The following PAPOLA variants were observed in gnomAD, a reference collection of about 807,000 sequenced individuals.
PAPOLA encodes polynucleotide adenylyltransferase alpha.
In PAPOLA, 15 loss-of-function variants were observed where a neutral mutation model predicts 100.6. That is an observed-to-expected ratio of 0.15 (90% CI 0.10 to 0.23). The LOEUF (loss-of-function observed/expected upper bound fraction) is 0.23. PAPOLA is among the 10% of genes least tolerant of loss of function. The probability of loss-of-function intolerance (pLI) is 1.00; values close to 1 mark genes in which losing one functional copy is unlikely to be tolerated. For missense variants in PAPOLA, 533 were observed against 884.2 expected (o/e 0.60, Z 5.04); for synonymous variants, 293 against 300.0 (o/e 0.98, Z 0.24).
intron 16 of PAPOLA, among the ~76,000 whole-genome samples, chr14:96,551,780 A>G (rs1688567931): frequency 1.3e-5 from 2 of 152,242 alleles, no homozygotes; most frequent in South Asian, 4.1e-4. Context: ...TTTCTGCATT[A>G]TTTGTTTTGG....
At chr14:96,521,128 CAAGT>C (rs924840331) in intron 3 of PAPOLA, 56 bp downstream of exon 3, 10 of 823,988 alleles carry the variant, frequency 1.2e-5, no homozygotes, top group Non-Finnish European at 1.7e-5. Context: ...CTGAACACAG[CAAGT>C]GTCTTATATA....
At chr14:96,533,157 T>G in intron 9 of PAPOLA, 1 of 984,068 alleles carries the variant, frequency 1.0e-6, no homozygotes, top group Non-Finnish European at 1.2e-6. Flanking sequence ...AATTTGAGAT[T>G]AGTCATTAAC....
In PAPOLA at chr14:96,525,327, A is replaced by T. The variant is rs144220269; in HGVS notation, c.267A>T (p.Val89=). The T allele has an allele frequency of 1.3e-3, 2,038 of 1,511,294 alleles. 4 individuals carry two copies. Among genetic ancestry groups the T allele is most frequent in the Non-Finnish European group, 1.7e-3 (1,846 of 1,095,322 alleles). 93.6% of individuals were successfully genotyped at this position (1,511,294 alleles called of 1,614,324 possible). A position where few individuals can be genotyped will look rare whatever the true frequency, so the allele number is the denominator to read the frequency against. ...TTCAACAGAATCTTCCACAATCTGTAATTGAAAATGTTGGAGGAAAAATTT... is the reference window on the plus strand; with the variant it reads ...TTCAACAGAATCTTCCACAATCTGTTATTGAAAATGTTGGAGGAAAAATTT... ...ISESKNLPQS[V]IENVGGKIFT... The change falls in exon 4 of 22, where the codon GTA becomes GTT. Residue 89 remains valine, a synonymous_variant. Coordinates refer to ENST00000216277, the MANE Select transcript of PAPOLA (RefSeq NM_032632.5).
In PAPOLA at chr14:96,559,596, T is replaced by TATATATATATATAC. The variant is rs1426338442; in HGVS notation, c.2005-1052_2005-1051insTATATATATATACA. On this transcript the variant is annotated intron_variant, in intron 19 of 21. Coordinates refer to ENST00000216277, the MANE Select transcript of PAPOLA (RefSeq NM_032632.5). ...CTCTCTCTCTCTATATATATATATATACACACACACATATATATATGTATA... is the reference window on the plus strand; with the variant it reads ...CTCTCTCTCTCTATATATATATATATATATATATATATACACACACACACATATATATATGTATA... Among the ~76,000 whole-genome samples the TATATATATATATAC allele has an allele frequency of 1.0e-4, 15 of 145,530 alleles. No homozygotes were observed. The South Asian group carries it at 2.9e-3, about 28-fold the overall frequency.
chr14:96,524,712 C>T (rs550166852), intron 3 of PAPOLA, among the ~76,000 whole-genome samples: 2 of 152,054 alleles, frequency 1.3e-5, no homozygotes, highest in Non-Finnish European at 2.9e-5. Context: ...TTTGTAGAGA[C>T]GGGGTTTCAC....
At position 96,531,523 on chromosome 14, in the gene PAPOLA, T is replaced by C. The variant is rs1351879103; in HGVS notation, c.544T>C (p.Leu182=). ...RLALQTIPED[L]DLRDDSLLKN... ...AGCACTGCAGACAATTCCTGAAGAT[T>C]TGGATCTACGAGATGACAGTCTGCT... The change falls in exon 7 of 22, where the codon TTG becomes CTG. Residue 182 remains leucine (L), a synonymous_variant. Transcript: ENST00000216277. 6.2e-7 allele frequency: 1 copy of C among 1,610,980 alleles called. No individual in the cohort carries two copies.
chr14:96,514,220 C>A (rs559169081), intron 1 of PAPOLA, among the ~76,000 whole-genome samples: 1 of 150,922 alleles, frequency 6.6e-6, no homozygotes, highest in South Asian at 2.1e-4. Context: ...GTTCTGTTGC[C>A]CAGGCTGGAG....
chr14:96,516,741 T>G (rs1267922015), intron 1 of PAPOLA, among the ~76,000 whole-genome samples: 1 of 152,220 alleles, frequency 6.6e-6, no homozygotes, highest in Non-Finnish European at 1.5e-5. Flanking sequence ...ATAAAGTAAA[T>G]AAAAATTTCC....
intron 19 of PAPOLA, 137 bp downstream of exon 19, chr14:96,556,550 G>C: frequency 1.5e-6 from 1 of 686,384 alleles, no homozygotes; most frequent in South Asian, 1.8e-5. Flanking sequence ...AGGTGTGTCT[G>C]TAGTGCTTTA....
chr14:96,548,051 A>T (rs993872479), intron 16 of PAPOLA, 133 bp downstream of exon 16: 6 of 746,228 alleles, frequency 8.0e-6, no homozygotes, highest in East Asian at 5.7e-5. Context: ...AATCTGTTTC[A>T]TGGAGCAGTT....
chr14:96,511,201 A>G (rs574891046), intron 1 of PAPOLA, among the ~76,000 whole-genome samples: 6 of 152,300 alleles, frequency 3.9e-5, no homozygotes, highest in African/African-American at 1.4e-4. Flanking sequence ...ATGGGCCACA[A>G]CTTGTTCCAA....
Position 96,562,834 on chromosome 14 carries a change from G to C in PAPOLA, c.2083G>C (p.Glu695Gln). The C allele has an allele frequency of 1.9e-6, 3 of 1,609,806 alleles. No individual in the cohort carries two copies. Among genetic ancestry groups the C allele is most frequent in the Non-Finnish European group, 1.7e-6 (2 of 1,176,784 alleles). The change falls in exon 21 of 22, where the codon GAG (glutamate) becomes CAG (glutamine). Residue 695 changes from glutamate to glutamine, a missense_variant. Physicochemically the swap from Glu to Gln is conservative, Grantham distance 29 (BLOSUM62 2). Around this residue, in one of 9 missense-constraint regions of PAPOLA, gnomAD observed 242 missense variants for 281.0 expected, o/e 0.86. Coordinates refer to ENST00000216277, the MANE Select transcript of PAPOLA (RefSeq NM_032632.5). Reference sequence around the variant, plus strand: ...TGTCTCACAGGAACAACTTGATACAGAGACAAGTACAACTCAATCAGAAAC... The same window carrying C: ...TGTCTCACAGGAACAACTTGATACACAGACAAGTACAACTCAATCAGAAAC... ...KTEAKEQLDT[E>Q]TSTTQSETIQ...
intron 16 of PAPOLA, 104 bp downstream of exon 16, chr14:96,548,022 T>G: frequency 1.0e-6 from 1 of 962,160 alleles, no homozygotes; most frequent in Non-Finnish European, 1.5e-6. Context: ...TCATTTTAAA[T>G]AGATGACAGC....
chr14:96,537,690 G>GT (rs1295351266), intron 12 of PAPOLA: 1 of 151,960 alleles, frequency 6.6e-6, no homozygotes, highest in Non-Finnish European at 1.5e-5. Context: ...GATGAAAAAT[G>GT]TAAGTTATAA....
intron 12 of PAPOLA, among the ~76,000 whole-genome samples, chr14:96,540,857 G>T (rs1464860040): frequency 2.0e-5 from 3 of 152,158 alleles, no homozygotes; most frequent in Admixed American, 2.0e-4. Flanking sequence ...AATTGCCTAG[G>T]ATTACATAGC....
At chr14:96,535,149 T>G (rs1899407936) in intron 10 of PAPOLA, 5 of 948,252 alleles carry the variant, frequency 5.3e-6, no homozygotes, top group Admixed American at 6.2e-5. Context: ...AACATGCACT[T>G]TATAAACTGA....
At chr14:96,528,596 C>G (rs540733974) in intron 6 of PAPOLA, among the ~76,000 whole-genome samples, 29 of 152,272 alleles carry the variant, frequency 1.9e-4, no homozygotes, top group Admixed American at 1.4e-3. Flanking sequence ...ATTTTGGAAA[C>G]TGTAAGAGAA....
At chr14:96,540,413 C>T (rs4145679) in intron 12 of PAPOLA, among the ~76,000 whole-genome samples, 18,487 of 138,588 alleles carry the variant, frequency 0.13, 1,292 homozygotes, top group Non-Finnish European at 0.17. Context: ...TGTTCTTTAC[C>T]TTTTTTTTTT....
chr14:96,552,694 A>G (rs1041878984), intron 17 of PAPOLA, 72 bp downstream of exon 17: 20 of 1,322,714 alleles, frequency 1.5e-5, no homozygotes, highest in South Asian at 1.3e-4. Flanking sequence ...TCTTTTTGCT[A>G]TTAAAGTCAT....
Sources: gnomAD v4.1 joint callset for allele counts (sites outside exome capture counted in the v4.1 genomes callset) on GRCh38, gnomAD v4.1.1 for gene constraint, gnomAD v4.1.1 regional missense constraint, MANE v1.5 for transcripts, NCBI Gene and HGNC (gene_info 2026-07-23, HGNC 2026-07-21) for gene names.